Variants in KRT73 observed in about 807,000 individuals in gnomAD.
KRT73 encodes keratin, type II cytoskeletal 73.
KRT73 carries 44 observed loss-of-function variants against 47.2 expected under a neutral mutation model. That is an observed-to-expected ratio of 0.93 (90% CI 0.73 to 1.20). The LOEUF (loss-of-function observed/expected upper bound fraction) is 1.20. KRT73 is among the 50% of genes most tolerant of loss of function. The pLI, the probability that KRT73 is intolerant of heterozygous loss-of-function variation, is 0.00. For missense variants in KRT73, 713 were observed against 704.5 expected (o/e 1.01, Z -0.14); for synonymous variants, 285 against 291.3 (o/e 0.98, Z 0.22).
intron 3 of KRT73, 22 bp from the exon 4 acceptor site, chr12:52,614,696 CT>C (rs1940776583): frequency 6.3e-7 from 1 of 1,597,454 alleles, no homozygotes; most frequent in South Asian, 1.1e-5. Context: ...CCAGATACCC[CT>C]GACCTCACCT....
At chr12:52,619,067 G>A (rs990774698), upstream of KRT73, among the ~76,000 whole-genome samples, 1 of 152,228 alleles carries the variant, frequency 6.6e-6, no homozygotes, top group African/African-American at 2.4e-5. Flanking sequence ...AGGGCCATAG[G>A]AGAGGAGCAC....
chr12:52,610,608 CA>C lies in KRT73; in HGVS notation c.1331+6del. On this transcript the variant is annotated splice_donor_region_variant and intron_variant, in intron 7 of 8. Coordinates refer to ENST00000305748, the MANE Select transcript of KRT73 (RefSeq NM_175068.3). ...GCAGTTTCTTCCAGTCCCTCGGTCCCACCCACCTGCACTCCTCGCCCTCCAG... is the reference window on the plus strand; with the variant it reads ...GCAGTTTCTTCCAGTCCCTCGGTCCCCCCACCTGCACTCCTCGCCCTCCAG... 1 of 1,494,900 alleles carries C rather than the reference CA, an allele frequency of 6.7e-7. No individual in the cohort carries two copies. Among genetic ancestry groups the C allele is most frequent in the Non-Finnish European group, 9.0e-7 (1 of 1,106,802 alleles). The allele number at this position is 1,494,900 out of a possible 1,614,324, so 92.6% of individuals were successfully genotyped here.
intron 2 of KRT73, among the ~76,000 whole-genome samples, chr12:52,615,872 G>A (rs1397684907): frequency 6.6e-6 from 1 of 152,176 alleles, no homozygotes; most frequent in Non-Finnish European, 1.5e-5. Context: ...TTGGAACTCA[G>A]GGGCACAGTG....
chr12:52,616,298 T>A lies in KRT73; in HGVS notation c.530A>T (p.Asn177Ile), dbSNP rs199898419. 27 of 1,614,204 alleles carry A rather than the reference T, an allele frequency of 1.7e-5. No individual in the cohort carries two copies. In the African/African-American group the frequency reaches 3.2e-4, roughly 19 times the overall value. Reference protein sequence around the residue: ...LQQLDLNNCKNNLEPILEGYI... With the variant: ...LQQLDLNNCKINLEPILEGYI... ...GCCCTCAAGGATGGGCTCCAGGTTA[T>A]TCTTGCAGTTGTTCAGGTCCAGCTG... The change falls in exon 2 of 9, where the codon AAT (asparagine) becomes ATT (isoleucine). Residue 177 changes from asparagine (N) to isoleucine (I), a missense_variant. By Grantham distance (149) the Asn-to-Ile change is moderately radical. Transcript: ENST00000305748.
Position 52,618,218 on chromosome 12 carries a change from C to A in KRT73, c.307G>T (p.Gly103Cys). Residue 103 changes from glycine to cysteine, a missense_variant, in exon 1 of 9, where the codon GGT becomes TGT. By Grantham distance (159) the Gly-to-Cys change is radical. Coordinates refer to ENST00000305748, the MANE Select transcript of KRT73 (RefSeq NM_175068.3). ...TTGTTGATGGTGACCTGATGGATAC[C>A]CCCGGGCGGGCACAACGACGGACAC... The part of the protein sequence containing the change: ...SVCPSLCPPG[G>C]IHQVTINKSL... 1 of 1,614,136 alleles carries A rather than the reference C, an allele frequency of 6.2e-7. No individual in the cohort carries two copies. The highest frequency in any genetic ancestry group is 8.5e-7 in the Non-Finnish European group (1 of 1,180,016).
Position 52,615,344 on chromosome 12 carries a change from AG to A in KRT73, c.663-6del, listed in dbSNP as rs750765841. ...TTGTTTATTTCTTCTTCATACCTGC[AG>A]GGAAAGCATCACAGGAAGCAGAGTG... On this transcript the variant is annotated splice_polypyrimidine_tract_variant and splice_region_variant and intron_variant, in intron 2 of 8. Coordinates refer to ENST00000305748, the MANE Select transcript of KRT73 (RefSeq NM_175068.3). 6.2e-7 allele frequency: 1 copy of A among 1,613,488 alleles called. No homozygotes were observed. The highest frequency in any genetic ancestry group is 1.1e-5 in the South Asian group (1 of 91,018).
intron 5 of KRT73, chr12:52,612,632 T>C (rs1307676500): frequency 6.6e-6 from 1 of 152,348 alleles, no homozygotes; most frequent in South Asian, 2.1e-4. Context: ...GTACACTGGT[T>C]CTGACACCAA....
At chr12:52,614,465 C>A (rs1287689721) in intron 4 of KRT73, 114 bp downstream of exon 4, 4 of 834,480 alleles carry the variant, frequency 4.8e-6, no homozygotes, top group African/African-American at 3.5e-5. Context: ...TTTCTCAGCA[C>A]CCCAATGCTG....
At chr12:52,610,923 T>G in intron 6 of KRT73, 88 bp from the exon 7 acceptor site, 1 of 1,175,886 alleles carries the variant, frequency 8.5e-7, no homozygotes, top group Non-Finnish European at 1.2e-6. Context: ...AGCCCTCCTC[T>G]GTCCTGCCCC....
chr12:52,611,171 GGAGT>G (rs774279069), intron 6 of KRT73, 29 bp downstream of exon 6: 2 of 1,613,026 alleles, frequency 1.2e-6, no homozygotes, highest in Admixed American at 3.3e-5. Flanking sequence ...CCCTCCCTTA[GGAGT>G]GAGTAAGGAA....
intron 3 of KRT73, 78 bp from the exon 4 acceptor site, chr12:52,614,752 G>A (rs1940777873): frequency 8.5e-7 from 1 of 1,172,346 alleles, no homozygotes; most frequent in Admixed American, 2.3e-5. Flanking sequence ...GACACCTGCA[G>A]GCCCTGCCCT....
intron 5 of KRT73, 170 bp downstream of exon 5, chr12:52,613,518 G>T (rs995943309): frequency 7.7e-7 from 1 of 1,293,818 alleles, no homozygotes; most frequent in Non-Finnish European, 1.0e-6. Flanking sequence ...CTAAGTGGGT[G>T]CCAAGGACAG....
chr12:52,608,413 C>T lies in KRT73; in HGVS notation c.1406G>A (p.Gly469Glu), dbSNP rs1391846807. The T allele has an allele frequency of 1.2e-5, 19 of 1,612,020 alleles. No individual in the cohort carries two copies. The highest frequency in any genetic ancestry group is 1.6e-5 in the Non-Finnish European group (19 of 1,179,942). ...AGCATTGCTGAATCCAAAGCCAGCC[C>T]CTGTGCCTGCCATCCCGGCCATGGA... ...NSSMAGMAGT[G>E]AGFGFSNAGT... The change falls in exon 9 of 9, where the codon GGG becomes GAG. Residue 469 changes from glycine (G) to glutamate (E), a missense_variant. Coordinates refer to ENST00000305748, the MANE Select transcript of KRT73 (RefSeq NM_175068.3).
upstream of KRT73, chr12:52,618,584 A>T: frequency 6.6e-7 from 1 of 1,512,478 alleles, no homozygotes; most frequent in Non-Finnish European, 8.9e-7. Flanking sequence ...GCAGTTCACC[A>T]GCCTGTGATC....
At chr12:52,620,226 G>A (rs1940882873), upstream of KRT73, among the ~76,000 whole-genome samples, 1 of 144,324 alleles carries the variant, frequency 6.9e-6, no homozygotes, top group Admixed American at 7.4e-5. Flanking sequence ...GGATTCTCCT[G>A]CCTCAGCCTC....
rs1940811947 is a variant in KRT73 at position 52,616,292 on chromosome 12, A to G, written c.536T>C (p.Leu179Pro). Residue 179 changes from leucine to proline, a missense_variant, in exon 2 of 9, where the codon CTG becomes CCG. Physicochemically the swap from Leu to Pro is moderately conservative, Grantham distance 98. Transcript: ENST00000305748. The stretch of plus-strand genomic sequence containing the variant: ...GATGTAGCCCTCAAGGATGGGCTCC[A>G]GGTTATTCTTGCAGTTGTTCAGGTC... Reference protein sequence around the residue: ...QLDLNNCKNNLEPILEGYISN... With the variant: ...QLDLNNCKNNPEPILEGYISN... 6.2e-7 allele frequency: 1 copy of G among 1,614,194 alleles called. No individual in the cohort carries two copies. Among genetic ancestry groups the G allele is most frequent in the Non-Finnish European group, 8.5e-7 (1 of 1,180,030 alleles).
At chr12:52,625,759 G>A in the KRT73 span, among the ~76,000 whole-genome samples, 3 of 152,072 alleles carry the variant, frequency 2.0e-5, no homozygotes, top group African/African-American at 4.8e-5. Flanking sequence ...GTGGCAAACC[G>A]TGGTACATTC....
At chr12:52,610,529 G>GGGGGGGGGCCCCCCCCC in intron 7 of KRT73, 86 bp downstream of exon 7, 1 of 295,156 alleles carries the variant, frequency 3.4e-6, no homozygotes, top group Non-Finnish European at 6.8e-6. Flanking sequence ...CCAGCTCGCC[G>GGGGGGGGGCCCCCCCCC]CCCCCTCCCC....
chr12:52,608,470 A>G lies in KRT73; in HGVS notation c.1367-18T>C. The G allele has an allele frequency of 6.3e-7, 1 of 1,596,344 alleles. No homozygotes were observed. The highest frequency in any genetic ancestry group is 8.5e-7 in the Non-Finnish European group (1 of 1,174,108). The stretch of plus-strand genomic sequence containing the variant: ...GATGACCGCTGCAGAGGAGGGAGGG[A>G]CGAGTGATCAGTGTATATCCCAGGA... On this transcript the variant is annotated intron_variant, in intron 8 of 8. Transcript: ENST00000305748.
Sources: allele counts gnomAD v4.1 joint callset (sites outside exome capture counted in the v4.1 genomes callset), GRCh38; gene constraint gnomAD v4.1.1; transcripts MANE v1.5; gene names NCBI Gene and HGNC (gene_info 2026-07-23, HGNC 2026-07-21).